VPS13B: variants seen among roughly 807,000 people sequenced by gnomAD.
VPS13B encodes vacuolar protein sorting 13 homolog B.
A neutral mutation model predicts 426.4 loss-of-function variants in VPS13B; 285 were observed. That is an observed-to-expected ratio of 0.67 (90% CI 0.61 to 0.74). The LOEUF is 0.74. VPS13B is among the 30% of genes least tolerant of loss of function. VPS13B has a pLI of 0.00. For missense variants in VPS13B, 4,537 were observed against 4,782.6 expected (o/e 0.95, Z 1.51); for synonymous variants, 1,676 against 1,676.4 (o/e 1.00, Z 0.01).
rs747116389 is a variant in VPS13B at position 99,699,708 on chromosome 8, G to A, written c.6230G>A (p.Arg2077His). 52 of 1,613,964 alleles carry A rather than the reference G, an allele frequency of 3.2e-5. No individual in the cohort carries two copies. The highest frequency in any genetic ancestry group is 4.4e-5 in the South Asian group (4 of 91,080). ...GATCTTCCAGTCTCCAAATATTACC[G>A]TGGAAAGTTGTCTAAACCCAAAATT... ...KDDLPVSKYY[R>H]GKLSKPKIHG... Residue 2077 changes from arginine to histidine, a missense_variant, in exon 36 of 62, where the codon CGT becomes CAT. Around this residue, in one of 2 missense-constraint regions of VPS13B, gnomAD observed 4,311 missense variants for 4,474.3 expected, o/e 0.96. Coordinates refer to ENST00000357162, the MANE Select transcript of VPS13B (RefSeq NM_152564.5).
intron 25 of VPS13B, among the ~76,000 whole-genome samples, chr8:99,487,608 C>G (rs1451362057): frequency 6.6e-6 from 1 of 152,118 alleles, no homozygotes; most frequent in Admixed American, 6.5e-5. Flanking sequence ...CTATCTTCTC[C>G]TCTCCCTCCA....
intron 19 of VPS13B, among the ~76,000 whole-genome samples, chr8:99,304,913 A>G (rs1013301351): frequency 1.3e-5 from 2 of 152,086 alleles, no homozygotes; most frequent in Admixed American, 6.6e-5. Context: ...CAGACTTCTT[A>G]GCAGGACAAC....
At chr8:99,456,372 T>C (rs1818461246) in intron 23 of VPS13B, among the ~76,000 whole-genome samples, 1 of 152,172 alleles carries the variant, frequency 6.6e-6, no homozygotes, top group Non-Finnish European at 1.5e-5. Context: ...TTTCACCATC[T>C]TGGCCAGGTT....
At chr8:99,231,299 C>G (rs181416218) in intron 17 of VPS13B, among the ~76,000 whole-genome samples, 1 of 150,204 alleles carries the variant, frequency 6.7e-6, no homozygotes, top group South Asian at 2.1e-4. Context: ...GGATATATTT[C>G]TTTTGTTGTT....
At chr8:99,667,609 T>G (rs1185987265) in intron 35 of VPS13B, among the ~76,000 whole-genome samples, 1 of 152,100 alleles carries the variant, frequency 6.6e-6, no homozygotes, top group Non-Finnish European at 1.5e-5. Context: ...TTTACTAGCT[T>G]AGACAAAAAT....
chr8:99,381,021 A>AT (rs1433102409), intron 19 of VPS13B, among the ~76,000 whole-genome samples: 1 of 151,830 alleles, frequency 6.6e-6, no homozygotes, highest in East Asian at 1.9e-4. Flanking sequence ...ACCAATGGTT[A>AT]TTTTTATCTG....
chr8:99,424,985 A>G (rs1267655662), intron 21 of VPS13B, among the ~76,000 whole-genome samples: 1 of 152,152 alleles, frequency 6.6e-6, no homozygotes, highest in Non-Finnish European at 1.5e-5. Flanking sequence ...TATATTCCTC[A>G]ACACATACAC....
chr8:99,189,120 T>C (rs1813398687), intron 16 of VPS13B, among the ~76,000 whole-genome samples: 1 of 151,978 alleles, frequency 6.6e-6, no homozygotes, highest in Non-Finnish European at 1.5e-5. Context: ...CGGCTAATTT[T>C]TTGCATTTTT....
intron 43 of VPS13B, among the ~76,000 whole-genome samples, chr8:99,789,578 C>T (rs1812443879): frequency 6.6e-6 from 1 of 152,028 alleles, no homozygotes; most frequent in Admixed American, 6.6e-5. Context: ...GTAATCTACC[C>T]ACTGGAGAGA....
At chr8:99,830,486 G>A (rs2130851308) in intron 51 of VPS13B, among the ~76,000 whole-genome samples, 1 of 152,286 alleles carries the variant, frequency 6.6e-6, no homozygotes, top group East Asian at 1.9e-4. Context: ...ACTTCAGACT[G>A]CTGTGCTGGC....
chr8:99,861,521 C>T (rs538193489), intron 57 of VPS13B, among the ~76,000 whole-genome samples: 9 of 152,324 alleles, frequency 5.9e-5, no homozygotes, highest in Admixed American at 4.6e-4. Flanking sequence ...AGGCTGGTCT[C>T]GAACTGCTAG....
In VPS13B at chr8:99,549,829, T is replaced by G. The variant is rs527998058; in HGVS notation, c.4746-6621T>G. ...TGCTACTGCCTCACACCTTTCAGCCTTTGAACCTGCTACTTCCTCTGCTGG... is the reference window on the plus strand; with the variant it reads ...TGCTACTGCCTCACACCTTTCAGCCGTTGAACCTGCTACTTCCTCTGCTGG... On this transcript the variant is annotated intron_variant, in intron 30 of 61. Coordinates refer to ENST00000357162, the MANE Select transcript of VPS13B (RefSeq NM_152564.5). Among the ~76,000 whole-genome samples the G allele has an allele frequency of 1.4e-4, 22 of 152,264 alleles. 1 individual carries two copies. In the South Asian group the frequency reaches 3.9e-3, roughly 27 times the overall value.
At chr8:99,182,270 C>T (rs1409804981) in intron 16 of VPS13B, among the ~76,000 whole-genome samples, 1 of 152,078 alleles carries the variant, frequency 6.6e-6, no homozygotes. Flanking sequence ...ATATGAATTT[C>T]TGGAACAGGC....
intron 17 of VPS13B, among the ~76,000 whole-genome samples, chr8:99,194,245 A>G (rs1428154565): frequency 1.3e-5 from 2 of 152,218 alleles, no homozygotes; most frequent in East Asian, 3.8e-4. Context: ...CTCGGAGCTT[A>G]TGAAAAGACT....
intron 3 of VPS13B, among the ~76,000 whole-genome samples, chr8:99,044,463 A>G (rs1843116932): frequency 6.6e-6 from 1 of 151,992 alleles, no homozygotes; most frequent in South Asian, 2.1e-4. Context: ...CACATAACAT[A>G]CAATCAACCA....
intron 35 of VPS13B, among the ~76,000 whole-genome samples, chr8:99,695,476 C>G: frequency 7.1e-6 from 1 of 141,428 alleles, no homozygotes; most frequent in South Asian, 2.3e-4. Flanking sequence ...CATATTCTCA[C>G]TCATAGGTGG....
At chr8:99,691,311 T>G (rs936530026) in intron 35 of VPS13B, among the ~76,000 whole-genome samples, 11 of 151,890 alleles carry the variant, frequency 7.2e-5, no homozygotes, top group African/African-American at 2.7e-4. Flanking sequence ...GTGGTGATGG[T>G]TGCACAAACT....
intron 33 of VPS13B, among the ~76,000 whole-genome samples, chr8:99,588,166 G>C (rs1378625881): frequency 6.6e-6 from 1 of 151,594 alleles, no homozygotes; most frequent in African/African-American, 2.4e-5. Flanking sequence ...GCTCTTTTCT[G>C]TTCCATTGGA....
chr8:99,814,924 G>A (rs1188314925), intron 44 of VPS13B, among the ~76,000 whole-genome samples: 1 of 152,052 alleles, frequency 6.6e-6, no homozygotes, highest in Non-Finnish European at 1.5e-5. Flanking sequence ...GACTATCAGG[G>A]TGATGATCAA....
Sources: gnomAD v4.1 joint callset for allele counts (sites outside exome capture counted in the v4.1 genomes callset) on GRCh38, gnomAD v4.1.1 for gene constraint, gnomAD v4.1.1 regional missense constraint, MANE v1.5 for transcripts, NCBI Gene and HGNC (gene_info 2026-07-23, HGNC 2026-07-21) for gene names.